Variants in GALNS observed in about 807,000 individuals in gnomAD.
GALNS encodes galactosamine (N-acetyl)-6-sulfatase, also known as N-acetylgalactosamine-6-sulfatase.
In GALNS, 65 loss-of-function variants were observed where a neutral mutation model predicts 65.9. The observed-to-expected ratio is 0.99, with a 90% CI of 0.81 to 1.21. The LOEUF (loss-of-function observed/expected upper bound fraction) is 1.21, where lower values mean the gene tolerates loss of function less well. GALNS is among the 50% of genes most tolerant of loss of function. The pLI is 0.00. For synonymous variants in GALNS, 346 were observed against 288.9 expected, an observed-to-expected ratio of 1.20 and a Z score of -2.00; for missense variants, 776 against 700.7, an observed-to-expected ratio of 1.11 and a Z score of -1.21.
chr16:88,827,783 G>A (rs754843284), intron 9 of GALNS, among the ~76,000 whole-genome samples: 5 of 152,136 alleles, frequency 3.3e-5, no homozygotes, highest in Non-Finnish European at 5.9e-5. Flanking sequence ...TGGGTCACTC[G>A]ACGGGGAGAC....
intron 9 of GALNS, among the ~76,000 whole-genome samples, chr16:88,829,655 G>A (rs1001494378): frequency 1.3e-5 from 2 of 152,246 alleles, no homozygotes; most frequent in Non-Finnish European, 2.9e-5. Context: ...GGGCAGGAGT[G>A]CAGGATCCAC....
At chr16:88,832,203 G>GC in intron 8 of GALNS, 102 bp from the exon 9 acceptor site, 1 of 1,071,228 alleles carries the variant, frequency 9.3e-7, no homozygotes, top group Non-Finnish European at 1.4e-6. Context: ...GGGACAAAGG[G>GC]CCCGGCCAAG....
chr16:88,831,312 G>GAGGCT (rs1429786409), intron 9 of GALNS, among the ~76,000 whole-genome samples: 2 of 27,780 alleles, frequency 7.2e-5, no homozygotes, highest in Admixed American at 2.4e-4. Flanking sequence ...GGGGTGCGTG[G>GAGGCT]GGAGGAGAGC....
intron 12 of GALNS, 58 bp downstream of exon 12, chr16:88,822,531 A>C (rs1910340015): frequency 6.2e-7 from 1 of 1,606,842 alleles, no homozygotes; most frequent in Non-Finnish European, 8.5e-7. Context: ...TGGAGCCTGC[A>C]TTTGGGGGAG....
intron 11 of GALNS, among the ~76,000 whole-genome samples, chr16:88,823,421 C>A (rs1403257732): frequency 6.6e-6 from 1 of 152,266 alleles, no homozygotes; most frequent in East Asian, 1.9e-4. Context: ...TCTAACATTC[C>A]CAGAGCGGGT....
chr16:88,822,812 G>A (rs1910382217), intron 11 of GALNS, 102 bp from the exon 12 acceptor site: 1 of 1,512,806 alleles, frequency 6.6e-7, no homozygotes. Context: ...GGCCGTGAGG[G>A]GCCTTGTCTG....
intron 1 of GALNS, among the ~76,000 whole-genome samples, chr16:88,849,121 G>T (rs989446717): frequency 3.3e-5 from 5 of 152,136 alleles, no homozygotes; most frequent in Admixed American, 2.6e-4. Flanking sequence ...TTTTGAGATG[G>T]TTTATTTTTT....
chr16:88,822,567 A>T (rs777720497), intron 12 of GALNS, 22 bp downstream of exon 12: 1 of 1,612,036 alleles, frequency 6.2e-7, no homozygotes, highest in South Asian at 1.1e-5. Context: ...CTCAGCAGCC[A>T]GGAGGCCCTG....
rs377067312 is a variant in GALNS, at chr16:88,824,764, T to C, written c.1242+3A>G. Reference sequence around the variant, plus strand: ...GCCTGCGCCCACGTCCCGAGCCCTGTACCTGTCTGAAGTTCTCCCAGGAGT... The same window carrying C: ...GCCTGCGCCCACGTCCCGAGCCCTGCACCTGTCTGAAGTTCTCCCAGGAGT... On this transcript the variant is annotated splice_donor_region_variant and intron_variant, in intron 11 of 13. Transcript: ENST00000268695. The C allele has an allele frequency of 1.1e-4, 174 of 1,612,654 alleles. 1 individual carries two copies. The African/African-American group carries it at 1.8e-3, about 17-fold the overall frequency.
chr16:88,814,188 C>T lies in GALNS; in HGVS notation c.*251G>A, dbSNP rs1909392044. ...TCACAAAGGCGTGAGACGGCAGGGT[C>T]CTGAGGTCTGAGGCGCCGTGGGCGA... On this transcript the variant is annotated 3_prime_UTR_variant, in exon 14 of 14. Transcript: ENST00000268695. 2 of 586,288 alleles carry T rather than the reference C, an allele frequency of 3.4e-6. No homozygotes were observed. The highest frequency in any genetic ancestry group is 6.1e-6 in the Non-Finnish European group (2 of 328,068). The allele number at this position is 586,288 out of a possible 1,614,324, so 36.3% of individuals were successfully genotyped here.
chr16:88,832,892 G>C (rs760710707), intron 8 of GALNS, among the ~76,000 whole-genome samples: 9 of 152,018 alleles, frequency 5.9e-5, no homozygotes, highest in African/African-American at 2.2e-4. Context: ...ACCAAAGAGA[G>C]ACCACGGCTA....
intron 7 of GALNS, 78 bp downstream of exon 7, chr16:88,835,647 T>C: frequency 6.2e-7 from 1 of 1,601,340 alleles, no homozygotes; most frequent in South Asian, 1.1e-5. Flanking sequence ...AATGCCACGG[T>C]ACTGAGTGTC....
chr16:88,832,826 C>G (rs970246167), intron 8 of GALNS, among the ~76,000 whole-genome samples: 1 of 152,072 alleles, frequency 6.6e-6, no homozygotes, highest in Non-Finnish European at 1.5e-5. Context: ...CTTGGGAGGC[C>G]GAAGCAGGGG....
intron 8 of GALNS, 33 bp downstream of exon 8, chr16:88,835,180 G>A (rs747526536): frequency 1.3e-6 from 2 of 1,557,292 alleles, no homozygotes; most frequent in African/African-American, 1.4e-5. Flanking sequence ...GCTGGCTGTG[G>A]GGAAACCGTG....
intron 1 of GALNS, among the ~76,000 whole-genome samples, chr16:88,853,515 G>A (rs1166712904): frequency 1.3e-5 from 2 of 152,170 alleles, no homozygotes; most frequent in African/African-American, 4.8e-5. Flanking sequence ...GCTGGCCTGG[G>A]TGGCCCTGAC....
intron 1 of GALNS, among the ~76,000 whole-genome samples, chr16:88,852,221 T>C (rs1009208586): frequency 8.5e-5 from 13 of 152,234 alleles, no homozygotes; most frequent in African/African-American, 3.1e-4. Flanking sequence ...CAGCCTCCAC[T>C]GGTGATACCC....
At chr16:88,853,333 A>G (rs1178042457) in intron 1 of GALNS, among the ~76,000 whole-genome samples, 2 of 151,732 alleles carry the variant, frequency 1.3e-5, no homozygotes, top group Non-Finnish European at 2.9e-5. Context: ...TGAGCCATGG[A>G]TCAGTATCCT....
intron 5 of GALNS, 77 bp downstream of exon 5, chr16:88,837,545 A>G: frequency 6.9e-7 from 1 of 1,455,236 alleles, no homozygotes. Flanking sequence ...TGAGCCCACC[A>G]GTGCTAGAGG....
chr16:88,835,247 G>C lies in GALNS; in HGVS notation c.864C>G (p.Asp288Glu). Residue 288 changes from aspartate to glutamate, a missense_variant, in exon 8 of 14, where the codon GAC (aspartate) becomes GAG (glutamate). By Grantham distance (45) the Asp-to-Glu change is conservative (BLOSUM62 2). Transcript: ENST00000268695. ...ADNTFVFFTSDNGAALISAPE... is the reference protein window; with the variant it reads ...ADNTFVFFTSENGAALISAPE... ...GGGCGGAAATGAGGGCAGCGCCGTT[G>C]TCCGACGTGAAGAAGACGAAGGTGT... 6.2e-7 allele frequency: 1 copy of C among 1,604,702 alleles called. No homozygotes were observed. Among genetic ancestry groups the C allele is most frequent in the Non-Finnish European group, 8.5e-7 (1 of 1,175,110 alleles).
Sources: gnomAD v4.1 joint callset for allele counts (sites outside exome capture counted in the v4.1 genomes callset) on GRCh38, gnomAD v4.1.1 for gene constraint, MANE v1.5 for transcripts, NCBI Gene and HGNC (gene_info 2026-07-23, HGNC 2026-07-21) for gene names.